Variants in EPHB2 observed in about 807,000 individuals in gnomAD.
EPHB2 encodes the protein EPH receptor B2.
A neutral mutation model predicts 96.4 loss-of-function variants in EPHB2; 18 were observed. That is an observed-to-expected ratio of 0.19 (90% CI 0.13 to 0.28). The LOEUF is 0.28. Ranked by LOEUF, EPHB2 falls within the 10% of genes least tolerant of loss-of-function variation. The pLI, the probability that EPHB2 is intolerant of heterozygous loss-of-function variation, is 1.00. For missense variants in EPHB2, 989 were observed against 1,355.4 expected (o/e 0.73, Z 4.25); for synonymous variants, 506 against 534.1 (o/e 0.95, Z 0.72).
At chr1:22,734,578 C>T (rs745847080) in intron 1 of EPHB2, among the ~76,000 whole-genome samples, 6 of 152,002 alleles carry the variant, frequency 3.9e-5, no homozygotes, top group Non-Finnish European at 5.9e-5. Context: ...TGCACCACTG[C>T]GCCCGACTAA....
chr1:22,873,193 G>T (rs929130677), intron 5 of EPHB2, among the ~76,000 whole-genome samples: 39 of 152,240 alleles, frequency 2.6e-4, no homozygotes, highest in Admixed American at 7.9e-4. Context: ...GGACAGCAAC[G>T]CTGGTCTTGG....
At chr1:22,894,953 G>A (rs1639509248) in intron 7 of EPHB2, among the ~76,000 whole-genome samples, 2 of 152,178 alleles carry the variant, frequency 1.3e-5, no homozygotes, top group Admixed American at 6.5e-5. Flanking sequence ...GGTGCCAGGT[G>A]TTGTTCTAAG....
In EPHB2 at chr1:22,919,372, AGTCT is replaced by A. The variant is rs1489128681; in HGVS notation, c.*5808_*5811del. The A allele has an allele frequency of 3.3e-5, 5 of 152,246 alleles. No homozygotes were observed. Among genetic ancestry groups the A allele is most frequent in the South Asian group, 2.1e-4 (1 of 4,828 alleles). 9.4% of individuals were successfully genotyped at this position (152,246 alleles called of 1,614,324 possible). On this transcript the variant is annotated 3_prime_UTR_variant, in exon 16 of 16. Coordinates refer to ENST00000374630, the MANE Select transcript of EPHB2 (RefSeq NM_017449.5). ...AAATTAGAAAGACCCTCAGACCCAG[AGTCT>A]GTCTGAGTTTAGCTTCGCAGCATGA...
At chr1:22,795,988 C>T (rs564917324) in intron 3 of EPHB2, among the ~76,000 whole-genome samples, 14 of 152,270 alleles carry the variant, frequency 9.2e-5, no homozygotes, top group African/African-American at 3.1e-4. Context: ...CTCTTCCCAC[C>T]CAGGGCAGAG....
intron 1 of EPHB2, among the ~76,000 whole-genome samples, chr1:22,772,805 G>T (rs180788600): frequency 6.6e-6 from 1 of 152,320 alleles, no homozygotes; most frequent in East Asian, 1.9e-4. Context: ...TTTACAGGGC[G>T]TGCAGAGGGT....
At chr1:22,839,455 C>T (rs1449884899) in intron 3 of EPHB2, among the ~76,000 whole-genome samples, 1 of 152,116 alleles carries the variant, frequency 6.6e-6, no homozygotes, top group Admixed American at 6.5e-5. Flanking sequence ...CAGCAAGAGG[C>T]TCAAAGTCTG....
chr1:22,716,253 T>A (rs1451781160), intron 1 of EPHB2, among the ~76,000 whole-genome samples: 1 of 152,190 alleles, frequency 6.6e-6, no homozygotes, highest in Non-Finnish European at 1.5e-5. Flanking sequence ...CATAGAACAT[T>A]GGATGGGCCC....
chr1:22,780,211 G>C (rs951778013), intron 1 of EPHB2, among the ~76,000 whole-genome samples: 1 of 152,238 alleles, frequency 6.6e-6, no homozygotes, highest in Non-Finnish European at 1.5e-5. Flanking sequence ...AAGGGTAGAG[G>C]ACAGGGGTCC....
chr1:22,863,492 C>T (rs1474977771), intron 4 of EPHB2, among the ~76,000 whole-genome samples: 1 of 152,190 alleles, frequency 6.6e-6, no homozygotes, highest in Non-Finnish European at 1.5e-5. Flanking sequence ...TGAAGCAACA[C>T]AGGTAGTATA....
intron 3 of EPHB2, among the ~76,000 whole-genome samples, chr1:22,837,841 G>A (rs991785131): frequency 2.0e-5 from 3 of 152,138 alleles, no homozygotes; most frequent in South Asian, 2.1e-4. Flanking sequence ...CCCAGGCTGG[G>A]GTCACCAGGA....
At chr1:22,889,863 A>G (rs1162571410) in intron 6 of EPHB2, among the ~76,000 whole-genome samples, 1 of 152,230 alleles carries the variant, frequency 6.6e-6, no homozygotes, top group African/African-American at 2.4e-5. Context: ...TTTAGTACAA[A>G]TATGTCCCAA....
rs1553171173 is a variant in EPHB2 at position 22,858,665 on chromosome 1, G to GT, written c.812-4372_812-4371insT. Among the ~76,000 whole-genome samples, 1 of 152,094 alleles carries GT rather than the reference G, an allele frequency of 6.6e-6. No individual in the cohort carries two copies. Among genetic ancestry groups the GT allele is most frequent in the Non-Finnish European group, 1.5e-5 (1 of 68,016 alleles). ...CCACCCAGAAGTTGGGAGTGGTGTG[G>GT]CCCCCCGGGCACTGTGGGCAGTGGC... is the stretch of plus-strand genomic sequence containing the variant. On this transcript the variant is annotated intron_variant, in intron 3 of 15. Transcript: ENST00000374630. The surrounding 1 kb of genome is among the most constrained non-coding windows in gnomAD (Gnocchi z 7.7).
At chr1:22,890,103 C>T (rs925258677) in intron 6 of EPHB2, among the ~76,000 whole-genome samples, 4 of 152,146 alleles carry the variant, frequency 2.6e-5, no homozygotes, top group Non-Finnish European at 4.4e-5. Context: ...AGTCGGCCTT[C>T]ACCCTGTGGG....
intron 9 of EPHB2, among the ~76,000 whole-genome samples, chr1:22,900,382 G>T (rs529416603): frequency 6.6e-6 from 1 of 152,178 alleles, no homozygotes; most frequent in African/African-American, 2.4e-5. Context: ...GTGGCTAGAC[G>T]TACTGCGTGC....
chr1:22,719,699 T>C (rs1643390746), intron 1 of EPHB2: 2 of 152,122 alleles, frequency 1.3e-5, no homozygotes, highest in African/African-American at 4.8e-5. Flanking sequence ...AGCTCTCTCT[T>C]CTATAAAATG....
At chr1:22,756,342 G>T (rs1188622473) in intron 1 of EPHB2, among the ~76,000 whole-genome samples, 1 of 152,112 alleles carries the variant, frequency 6.6e-6, no homozygotes, top group Non-Finnish European at 1.5e-5. Context: ...AGCTCCACTG[G>T]GCGGCTGGCC....
chr1:22,865,913 C>T (rs992953073), intron 5 of EPHB2, among the ~76,000 whole-genome samples: 1 of 152,136 alleles, frequency 6.6e-6, no homozygotes, highest in Non-Finnish European at 1.5e-5. Flanking sequence ...TGTGGCCTCA[C>T]GTCATCCTCC....
At chr1:22,829,040 A>G (rs940949927) in intron 3 of EPHB2, among the ~76,000 whole-genome samples, 4 of 152,264 alleles carry the variant, frequency 2.6e-5, no homozygotes, top group Non-Finnish European at 5.9e-5. Flanking sequence ...TGGAATATTC[A>G]ATATTCAGGT....
chr1:22,773,916 A>C (rs191666475), intron 1 of EPHB2, among the ~76,000 whole-genome samples: 1 of 152,256 alleles, frequency 6.6e-6, no homozygotes, highest in Admixed American at 6.5e-5. Flanking sequence ...ACCTCTCCAA[A>C]CTTTGATTTC....
Sources: allele counts gnomAD v4.1 joint callset (sites outside exome capture counted in the v4.1 genomes callset), GRCh38; gene constraint gnomAD v4.1.1; non-coding constraint Gnocchi (gnomAD v3.1); transcripts MANE v1.5; gene names NCBI Gene and HGNC (gene_info 2026-07-23, HGNC 2026-07-21).